Variants in PACS2 observed in about 807,000 individuals in gnomAD.
PACS2 encodes PACS1-like protein.
Under a neutral mutation model 113.0 loss-of-function variants are expected in PACS2, and 36 were observed. The observed-to-expected ratio is 0.32, with a 90% CI of 0.24 to 0.42. PACS2 has a LOEUF of 0.42. PACS2 is among the 10% of genes least tolerant of loss of function. The probability of loss-of-function intolerance (pLI) is 1.00; values close to 1 mark genes in which losing one functional copy is unlikely to be tolerated. For synonymous variants in PACS2, 589 were observed against 536.1 expected, an observed-to-expected ratio of 1.10 and a Z score of -1.36; for missense variants, 1,015 against 1,239.5, an observed-to-expected ratio of 0.82 and a Z score of 2.72.
chr14:105,360,628 G>A (rs1162478547), intron 4 of PACS2, among the ~76,000 whole-genome samples: 4 of 151,906 alleles, frequency 2.6e-5, no homozygotes, highest in Non-Finnish European at 4.4e-5. Flanking sequence ...GGGGTCCTTA[G>A]TGTGGGTGGG....
chr14:105,389,372 G>A (rs1015848962), intron 19 of PACS2: 4 of 158,136 alleles, frequency 2.5e-5, no homozygotes, highest in Admixed American at 6.0e-5. Context: ...CAGGCTGTGC[G>A]TGGGGTGTTC....
chr14:105,380,855 A>T (rs2080966460), intron 11 of PACS2, 102 bp from the exon 12 acceptor site: 1 of 1,162,140 alleles, frequency 8.6e-7, no homozygotes, highest in Admixed American at 2.7e-5. Flanking sequence ...CACGGCCTAG[A>T]GAGGCCTAAA....
In PACS2 at chr14:105,366,950, G is replaced by A. The variant is rs1293425142; in HGVS notation, c.424-263G>A. ...TCTCCAGCACAGCCCAGTGCCCTCT[G>A]CTTATGGCCCGTTCGTGAAAGCTCC... On this transcript the variant is annotated intron_variant, in intron 4 of 24. Coordinates refer to ENST00000447393, the MANE Select transcript of PACS2 (RefSeq NM_001100913.3). The surrounding 1 kb of genome is among the most constrained non-coding windows in gnomAD (Gnocchi z 4.3). 6.6e-6 allele frequency among the ~76,000 whole-genome samples: 1 copy of A among 152,136 alleles called. No individual in the cohort carries two copies. Among genetic ancestry groups the A allele is most frequent in the Non-Finnish European group, 1.5e-5 (1 of 68,022 alleles).
chr14:105,377,301 C>T (rs1204302281), intron 9 of PACS2, among the ~76,000 whole-genome samples: 3 of 152,158 alleles, frequency 2.0e-5, no homozygotes, highest in Admixed American at 6.5e-5. Context: ...GAGTAGAGCT[C>T]CCATGCTGGG....
chr14:105,368,877 G>A (rs1282307148), intron 7 of PACS2, among the ~76,000 whole-genome samples: 1 of 152,260 alleles, frequency 6.6e-6, no homozygotes, highest in Non-Finnish European at 1.5e-5. Flanking sequence ...ATACACCTGA[G>A]TGGGCTGGTT....
At chr14:105,367,981 C>T (rs1354958423) in intron 5 of PACS2, 93 bp from the exon 6 acceptor site, 7 of 810,398 alleles carry the variant, frequency 8.6e-6, no homozygotes, top group Non-Finnish European at 1.5e-5. Flanking sequence ...TCGCTGCCCC[C>T]ACTCTGTGTC....
rs1199922261 is a variant in PACS2 at position 105,309,047 on chromosome 14, A to G, written c.-83+8068A>G. Among the ~76,000 whole-genome samples the G allele has an allele frequency of 6.6e-6, 1 of 152,186 alleles. No individual in the cohort carries two copies. The highest frequency in any genetic ancestry group is 1.5e-5 in the Non-Finnish European group (1 of 68,018). On this transcript the variant is annotated intron_variant, in intron 1 of 23. Transcript: ENST00000430725. This position sits in a 1 kb window ranked among gnomAD's most constrained non-coding sequence, Gnocchi z 4.0. ...CAGAAATCCATCCTGCACGAAGAGC[A>G]CTGAGGTTGAGTGTTGGTTGACACG...
At chr14:105,345,814 T>C (rs2059900020) in intron 1 of PACS2, among the ~76,000 whole-genome samples, 1 of 152,198 alleles carries the variant, frequency 6.6e-6, no homozygotes, top group Non-Finnish European at 1.5e-5. Context: ...TTTCTTCCTC[T>C]TGCATTGTGT....
upstream of PACS2, among the ~76,000 whole-genome samples, chr14:105,309,776 C>CTT (rs928875653): frequency 6.5e-4 from 58 of 89,230 alleles, 2 homozygotes; most frequent in African/African-American, 1.5e-3. This position sits in a 1 kb window ranked among gnomAD's most constrained non-coding sequence, Gnocchi z 4.0. Context: ...TGATGTGTGT[C>CTT]TTTTTTTTTT....
intron 1 of PACS2, among the ~76,000 whole-genome samples, chr14:105,322,361 T>C (rs1284186098): frequency 6.6e-6 from 1 of 151,906 alleles, no homozygotes; most frequent in Non-Finnish European, 1.5e-5. Context: ...ACCTCCCAGG[T>C]CAAGTGATTC....
intron 1 of PACS2, among the ~76,000 whole-genome samples, chr14:105,304,484 A>T (rs2058123109): frequency 6.6e-6 from 1 of 152,114 alleles, no homozygotes; most frequent in African/African-American, 2.4e-5. Context: ...GTGAAACTCC[A>T]TCTCACAATA....
intron 1 of PACS2, among the ~76,000 whole-genome samples, chr14:105,325,325 G>A (rs2059064737): frequency 6.6e-6 from 1 of 152,154 alleles, no homozygotes. Context: ...CTGAGACAAG[G>A]TGGGGTGAGC....
chr14:105,368,973 A>T (rs1555408677), intron 7 of PACS2, among the ~76,000 whole-genome samples: 2 of 152,204 alleles, frequency 1.3e-5, no homozygotes, highest in African/African-American at 4.8e-5. Flanking sequence ...TTCCCTGAGG[A>T]AAGCTCAGGC....
At chr14:105,307,464 C>A (rs1423969160) in intron 1 of PACS2, among the ~76,000 whole-genome samples, 2 of 152,202 alleles carry the variant, frequency 1.3e-5, no homozygotes, top group East Asian at 3.8e-4. Flanking sequence ...CCCTCCCTGT[C>A]CTGACTGGCC....
In PACS2 at chr14:105,357,800, G is replaced by A. The variant is rs879970935; in HGVS notation, c.423+2623G>A. Among the ~76,000 whole-genome samples the A allele has an allele frequency of 1.3e-5, 2 of 152,204 alleles. No homozygotes were observed. The highest frequency in any genetic ancestry group is 2.9e-5 in the Non-Finnish European group (2 of 68,040). ...ACGCCTGAGACGGGGGTGAGGGCATGGGTGCTGCCATAGGGACTGTCGTGA... is the reference window on the plus strand; with the variant it reads ...ACGCCTGAGACGGGGGTGAGGGCATAGGTGCTGCCATAGGGACTGTCGTGA... On this transcript the variant is annotated intron_variant, in intron 4 of 24. Transcript: ENST00000447393. This position sits in a 1 kb window ranked among gnomAD's most constrained non-coding sequence, Gnocchi z 5.1.
intron 19 of PACS2, among the ~76,000 whole-genome samples, chr14:105,387,214 CA>C: frequency 6.6e-6 from 1 of 152,228 alleles, no homozygotes; most frequent in East Asian, 1.9e-4. Flanking sequence ...CAGGCGGTGG[CA>C]CAGCCCTTGT....
rs782283384 is a variant in PACS2, at chr14:105,391,761, C to T, written c.2250C>T (p.Ser750=). 2.1e-5 allele frequency: 33 copies of T among 1,592,560 alleles called. No homozygotes were observed. Among genetic ancestry groups the T allele is most frequent in the Non-Finnish European group, 2.7e-5 (32 of 1,170,992 alleles). ...SSPSVSGGLS[S]PSQGVGAELM... The stretch of plus-strand genomic sequence containing the variant: ...CGTCGGTGAGCGGAGGCCTGTCCTC[C>T]CCCAGGTAAAGGTGCCTCACGGCTC... Residue 750 remains serine, a synonymous_variant, in exon 22 of 25, where the codon TCC becomes TCT. Coordinates refer to ENST00000447393, the MANE Select transcript of PACS2 (RefSeq NM_001100913.3).
chr14:105,377,904 G>A (rs587652094), intron 9 of PACS2, among the ~76,000 whole-genome samples: 53 of 152,334 alleles, frequency 3.5e-4, no homozygotes, highest in African/African-American at 1.2e-3. Context: ...CTGGGGCTCC[G>A]AGGTCATGCA....
At position 105,383,606 on chromosome 14, in the gene PACS2, G is replaced by A. The variant is rs587729877; in HGVS notation, c.1780+93G>A. 5.0e-6 allele frequency: 6 copies of A among 1,208,688 alleles called. 1 individual carries two copies. In the South Asian group the frequency reaches 8.8e-5, roughly 18 times the overall value. 74.9% of individuals were successfully genotyped at this position (1,208,688 alleles called of 1,614,324 possible). ...GGTGTGGCGTGGCGTGGCGTGTTGT[G>A]TGGCGTGGCGTGGCGCGGTGTGTCG... is the stretch of plus-strand genomic sequence containing the variant. On this transcript the variant is annotated intron_variant, in intron 16 of 24. Transcript: ENST00000447393.
Sources: gnomAD v4.1 joint callset for allele counts (sites outside exome capture counted in the v4.1 genomes callset) on GRCh38, gnomAD v4.1.1 for gene constraint, Gnocchi (gnomAD v3.1) non-coding constraint, MANE v1.5 for transcripts, NCBI Gene and HGNC (gene_info 2026-07-23, HGNC 2026-07-21) for gene names.